RARB: variants seen among roughly 807,000 people sequenced by gnomAD.
The protein encoded by RARB is HBV-activated protein.
Under a neutral mutation model 51.9 loss-of-function variants are expected in RARB, and 17 were observed. The observed-to-expected ratio is 0.33, with a 90% CI of 0.22 to 0.49. The LOEUF is 0.49. Among genes scored for constraint, RARB ranks in the 20% least tolerant of loss-of-function variants. RARB has a pLI of 0.99. For synonymous variants in RARB, 215 were observed against 195.4 expected, an observed-to-expected ratio of 1.10 and a Z score of -0.84; for missense variants, 369 against 550.8, an observed-to-expected ratio of 0.67 and a Z score of 3.30.
At chr3:25,365,415 C>T (rs1007691879) in intron 5 of RARB, among the ~76,000 whole-genome samples, 71 of 151,836 alleles carry the variant, frequency 4.7e-4, no homozygotes, top group Non-Finnish European at 4.3e-4. Context: ...CCTGTCTCAT[C>T]CATGCTTTCT....
chr3:24,954,818 G>A (rs1248039759), intron 2 of RARB, among the ~76,000 whole-genome samples: 2 of 152,180 alleles, frequency 1.3e-5, no homozygotes, highest in Non-Finnish European at 2.9e-5. Context: ...TGCAAAAAGG[G>A]TGTGACTCCT....
intron 3 of RARB, among the ~76,000 whole-genome samples, chr3:25,539,596 T>G (rs1312125094): frequency 2.1e-5 from 3 of 139,654 alleles, no homozygotes; most frequent in Non-Finnish European, 4.7e-5. Context: ...TTTTTTTCTC[T>G]TGTTTTGTAT....
chr3:25,362,797 T>C (rs1475511310), intron 5 of RARB, among the ~76,000 whole-genome samples: 2 of 152,162 alleles, frequency 1.3e-5, no homozygotes, highest in Admixed American at 6.5e-5. Flanking sequence ...CTTCATGGGC[T>C]ACACCCACTG....
intron 5 of RARB, among the ~76,000 whole-genome samples, chr3:25,323,280 C>G (rs1341809394): frequency 1.3e-5 from 2 of 152,114 alleles, no homozygotes; most frequent in African/African-American, 4.8e-5. Flanking sequence ...GGAAATAGAC[C>G]CAAGGTGGGA....
At chr3:24,903,832 T>G (rs1694783003) in intron 2 of RARB, among the ~76,000 whole-genome samples, 1 of 152,170 alleles carries the variant, frequency 6.6e-6, no homozygotes, top group Non-Finnish European at 1.5e-5. Flanking sequence ...AAAAGAATCT[T>G]AAGGATTAAT....
intron 4 of RARB, among the ~76,000 whole-genome samples, chr3:25,164,527 G>A (rs962341110): frequency 1.3e-5 from 2 of 151,986 alleles, no homozygotes; most frequent in Non-Finnish European, 2.9e-5. Context: ...TTGCTTTTTT[G>A]TTGTCTTGAC....
chr3:25,535,066 A>G (rs532046512), intron 3 of RARB, among the ~76,000 whole-genome samples: 1 of 152,332 alleles, frequency 6.6e-6, no homozygotes, highest in East Asian at 1.9e-4. Context: ...GAAAGTAGTC[A>G]GGTTTGAGTT....
intron 2 of RARB, among the ~76,000 whole-genome samples, chr3:24,879,548 G>T (rs1453441333): frequency 2.7e-5 from 4 of 148,010 alleles, no homozygotes; most frequent in Non-Finnish European, 6.0e-5. Context: ...TTAAAGCTGG[G>T]TGTGGTGGCT....
intron 2 of RARB, among the ~76,000 whole-genome samples, chr3:24,944,168 C>T (rs1695726519): frequency 6.6e-6 from 1 of 152,156 alleles, no homozygotes; most frequent in South Asian, 2.1e-4. Flanking sequence ...TTTCAAAGCC[C>T]ATGGCAGACC....
rs1197977600 is a variant in RARB, at chr3:25,035,678, T to A, written c.-379-24447T>A. Among the ~76,000 whole-genome samples, 3 of 152,152 alleles carry A rather than the reference T, an allele frequency of 2.0e-5. No homozygotes were observed. The East Asian group carries it at 5.8e-4, about 29-fold the overall frequency. ...TACAAAAGGCCAGATAGTAAATAAT[T>A]TAGTTTCAGCTTTGTGTACCCTACC... On this transcript the variant is annotated intron_variant, in intron 2 of 11. Transcript: ENST00000383772.
intron 4 of RARB, among the ~76,000 whole-genome samples, chr3:25,159,293 G>A (rs912862167): frequency 4.7e-5 from 7 of 148,696 alleles, no homozygotes; most frequent in Non-Finnish European, 8.9e-5. Context: ...CCTCAGCCTC[G>A]TGAGTAGCTG....
chr3:25,319,823 T>G, intron 5 of RARB, among the ~76,000 whole-genome samples: 1 of 152,138 alleles, frequency 6.6e-6, no homozygotes, highest in Non-Finnish European at 1.5e-5. Flanking sequence ...CAGACAGACA[T>G]TTATTGATTC....
At chr3:25,529,570 A>C (rs1698806356) in intron 3 of RARB, among the ~76,000 whole-genome samples, 1 of 152,226 alleles carries the variant, frequency 6.6e-6, no homozygotes. Flanking sequence ...CGATGGAGTT[A>C]CTTCTGAAGG....
chr3:24,894,674 T>C (rs1431434872), intron 2 of RARB, among the ~76,000 whole-genome samples: 6 of 152,222 alleles, frequency 3.9e-5, no homozygotes, highest in Non-Finnish European at 8.8e-5. Flanking sequence ...GAAAGTTCTG[T>C]GACTTAGCCA....
chr3:25,132,233 C>T (rs1699965663), intron 4 of RARB, among the ~76,000 whole-genome samples: 2 of 151,782 alleles, frequency 1.3e-5, no homozygotes, highest in African/African-American at 4.8e-5. Flanking sequence ...TACCAAGGTG[C>T]TCATAATCAT....
Position 25,159,258 on chromosome 3 carries a change from C to T in RARB, c.-279-14861C>T, listed in dbSNP as rs373910261. ...GGCTCACCACAACCTCCACCTCCCC[C>T]TCCCCGGTTCAAGCAATTCTCCTGC... On this transcript the variant is annotated intron_variant, in intron 4 of 11. Transcript: ENST00000383772. Among the ~76,000 whole-genome samples the T allele has an allele frequency of 8.8e-4, 132 of 150,470 alleles. 2 individuals carry two copies. Among genetic ancestry groups the T allele is most frequent in the South Asian group, 6.3e-4 (3 of 4,756 alleles).
At chr3:24,878,606 A>G (rs1359446124) in intron 2 of RARB, among the ~76,000 whole-genome samples, 1 of 152,138 alleles carries the variant, frequency 6.6e-6, no homozygotes, top group Non-Finnish European at 1.5e-5. Context: ...TGTGCATTGT[A>G]GGATTTTTAG....
At chr3:25,501,399 A>C in intron 3 of RARB, 76 bp downstream of exon 3, 1 of 1,545,172 alleles carries the variant, frequency 6.5e-7, no homozygotes, top group Non-Finnish European at 8.7e-7. Context: ...AGTCATGTGG[A>C]ATTCACACAC....
chr3:25,307,401 A>C (rs1311388298), intron 5 of RARB, among the ~76,000 whole-genome samples: 1 of 151,458 alleles, frequency 6.6e-6, no homozygotes, highest in Non-Finnish European at 1.5e-5. Flanking sequence ...AAAAAAAAAA[A>C]TTGTAATATG....
Sources: gnomAD v4.1 joint callset for allele counts (sites outside exome capture counted in the v4.1 genomes callset) on GRCh38, gnomAD v4.1.1 for gene constraint, MANE v1.5 for transcripts, NCBI Gene and HGNC (gene_info 2026-07-23, HGNC 2026-07-21) for gene names.